TDRD15: variants seen among roughly 807,000 people sequenced by gnomAD.
TDRD15 encodes tudor domain-containing protein 15.
For missense variants in TDRD15, 1,416 were observed against 904.7 expected, an observed-to-expected ratio of 1.57 and a Z score of -7.25; for synonymous variants, 503 against 314.5, an observed-to-expected ratio of 1.60 and a Z score of -6.34.
chr2:21,124,476 G>GGTGT (rs143329553), intron 1 of TDRD15, among the ~76,000 whole-genome samples: 47 of 134,620 alleles, frequency 3.5e-4, no homozygotes, highest in African/African-American at 1.1e-3. Context: ...CTAATGCCAG[G>GGTGT]GTGTGTGTGT....
chr2:21,139,166 G>T lies in TDRD15; in HGVS notation c.1699G>T (p.Asp567Tyr). The change falls in exon 4 of 4, where the codon GAT becomes TAT. Residue 567 changes from aspartate (D) to tyrosine (Y), a missense_variant. Asp to Tyr is a radical substitution (Grantham distance 160). Transcript: ENST00000405799. ...NGYKINVYFLDYGNTDSIPFF... is the reference protein window; with the variant it reads ...NGYKINVYFLYYGNTDSIPFF... Reference sequence around the variant, plus strand: ...TTATAAGATTAATGTTTATTTTTTGGATTATGGTAATACTGATTCCATACC... The same window carrying T: ...TTATAAGATTAATGTTTATTTTTTGTATTATGGTAATACTGATTCCATACC... 1.4e-6 allele frequency: 1 copy of T among 709,922 alleles called. No individual in the cohort carries two copies. The highest frequency in any genetic ancestry group is 2.6e-6 in the Non-Finnish European group (1 of 382,752). The allele number at this position is 709,922 out of a possible 1,614,324, so 44.0% of individuals were successfully genotyped here.
intron 2 of TDRD15, among the ~76,000 whole-genome samples, chr2:21,128,597 C>A (rs1665647025): frequency 6.6e-6 from 1 of 152,146 alleles, no homozygotes; most frequent in Non-Finnish European, 1.5e-5. Flanking sequence ...GCTGGGATTA[C>A]AGGCATGAGC....
chr2:21,124,692 GGTGC>G (rs1665545918), intron 1 of TDRD15, among the ~76,000 whole-genome samples: 1 of 124,784 alleles, frequency 8.0e-6, no homozygotes, highest in Non-Finnish European at 1.7e-5. Context: ...CTAATGCCAG[GGTGC>G]GTGTGTGTGT....
chr2:21,133,928 A>G (rs1281725046), intron 2 of TDRD15, among the ~76,000 whole-genome samples: 1 of 152,028 alleles, frequency 6.6e-6, no homozygotes, highest in Non-Finnish European at 1.5e-5. Flanking sequence ...TTACATGTTG[A>G]AATGATAATA....
Position 21,138,099 on chromosome 2 carries a change from A to C in TDRD15, c.632A>C (p.Lys211Thr). ...PQQMPDLLQH[K>T]RPELSLGNKD... is the part of the protein sequence containing the mutation. The stretch of plus-strand genomic sequence containing the variant: ...CAAATGCCAGATTTATTACAACATA[A>C]AAGGCCTGAATTGTCATTAGGTAAT... Residue 211 changes from lysine to threonine, a missense_variant, in exon 4 of 4, where the codon AAA (lysine) becomes ACA (threonine). Lys to Thr is a moderately conservative substitution (Grantham distance 78). Transcript: ENST00000405799. The C allele has an allele frequency of 1.4e-6, 1 of 716,318 alleles. No individual in the cohort carries two copies. 44.4% of individuals were successfully genotyped at this position (716,318 alleles called of 1,614,324 possible). A position where few individuals can be genotyped will look rare whatever the true frequency, so the allele number is the denominator to read the frequency against.
chr2:21,141,585 T>C lies in TDRD15; in HGVS notation c.4118T>C (p.Phe1373Ser), dbSNP rs1389796096. 2.8e-6 allele frequency: 2 copies of C among 713,828 alleles called. No individual in the cohort carries two copies. The highest frequency in any genetic ancestry group is 5.2e-6 in the Non-Finnish European group (2 of 383,264). 44.2% of individuals were successfully genotyped at this position (713,828 alleles called of 1,614,324 possible). A position where few individuals can be genotyped will look rare whatever the true frequency, so the allele number is the denominator to read the frequency against. ...VIKKILPGNS[F>S]EVEFIDYGNS... ...AAGAAAATTTTGCCAGGAAATTCTT[T>C]TGAAGTAGAATTTATTGACTATGGT... Residue 1373 changes from phenylalanine (F) to serine (S), a missense_variant, in exon 4 of 4, where the codon TTT becomes TCT. By Grantham distance (155) the Phe-to-Ser change is radical. Coordinates refer to ENST00000405799, the MANE Select transcript of TDRD15 (RefSeq NM_001306137.2).
At chr2:21,146,777 A>T (rs1666037649), downstream of TDRD15, among the ~76,000 whole-genome samples, 1 of 152,226 alleles carries the variant, frequency 6.6e-6, no homozygotes, top group South Asian at 2.1e-4. Context: ...AGACATCCAG[A>T]GGAGAATGGC....
At chr2:21,133,376 G>T (rs1221227310) in intron 2 of TDRD15, among the ~76,000 whole-genome samples, 3 of 151,972 alleles carry the variant, frequency 2.0e-5, no homozygotes, top group Non-Finnish European at 2.9e-5. Context: ...GTTTTTGTGG[G>T]TTTTTTTCTT....
At position 21,142,267 on chromosome 2, in the gene TDRD15, T is replaced by A. The variant is rs1393089874; in HGVS notation, c.4800T>A (p.Tyr1600Ter). The A allele has an allele frequency of 1.7e-5, 12 of 695,232 alleles. No individual in the cohort carries two copies. In the Admixed American group the frequency reaches 2.8e-4, roughly 16 times the overall value. The allele number at this position is 695,232 out of a possible 1,614,324, so 43.1% of individuals were successfully genotyped here. ...KWHRSKVEEK[Y>*]VDDKVLVFLV... ...ATCGATCAAAAGTAGAAGAAAAGTATGTTGATGATAAAGTACTTGTTTTTT... is the reference window on the plus strand; with the variant it reads ...ATCGATCAAAAGTAGAAGAAAAGTAAGTTGATGATAAAGTACTTGTTTTTT... The change falls in exon 4 of 4, where the codon TAT (tyrosine) becomes TAA (stop). Residue 1600 changes from tyrosine to a stop codon, truncating the protein, a stop_gained. Coordinates refer to ENST00000405799, the MANE Select transcript of TDRD15 (RefSeq NM_001306137.2). LOFTEE classifies it low-confidence loss of function (END_TRUNC).
chr2:21,133,948 T>C (rs1039887610), intron 2 of TDRD15, among the ~76,000 whole-genome samples: 1 of 152,042 alleles, frequency 6.6e-6, no homozygotes, highest in Non-Finnish European at 1.5e-5. Context: ...AGTTTGGATG[T>C]ATTGAGTTAA....
chr2:21,141,032 A>G lies in TDRD15; in HGVS notation c.3565A>G (p.Thr1189Ala). The G allele has an allele frequency of 2.8e-6, 2 of 708,264 alleles. No homozygotes were observed. The allele number at this position is 708,264 out of a possible 1,614,324, so 43.9% of individuals were successfully genotyped here. The change falls in exon 4 of 4, where the codon ACA becomes GCA. Residue 1189 changes from threonine to alanine, a missense_variant. Coordinates refer to ENST00000405799, the MANE Select transcript of TDRD15 (RefSeq NM_001306137.2). Reference protein sequence around the residue: ...HNVINKPSPVTYSERKIDQLM... With the variant: ...HNVINKPSPVAYSERKIDQLM... Reference sequence around the variant, plus strand: ...TGTGATAAATAAACCTAGTCCAGTAACATATTCCGAAAGAAAAATAGACCA... The same window carrying G: ...TGTGATAAATAAACCTAGTCCAGTAGCATATTCCGAAAGAAAAATAGACCA...
At chr2:21,132,349 A>G (rs1665735885) in intron 2 of TDRD15, among the ~76,000 whole-genome samples, 1 of 151,896 alleles carries the variant, frequency 6.6e-6, no homozygotes, top group Admixed American at 6.6e-5. Context: ...TGTATCTTAT[A>G]TTTTAAAAAG....
At chr2:21,125,771 A>C (rs1665578088) in intron 1 of TDRD15, among the ~76,000 whole-genome samples, 1 of 152,134 alleles carries the variant, frequency 6.6e-6, no homozygotes, top group Admixed American at 6.5e-5. Context: ...TGTTTGATAC[A>C]TACCCGTCAC....
chr2:21,142,908 T>G lies in TDRD15; in HGVS notation c.5441T>G (p.Leu1814Trp). The change falls in exon 4 of 4, where the codon TTG becomes TGG. Residue 1814 changes from leucine (L) to tryptophan (W), a missense_variant. Transcript: ENST00000405799. ...TCACCTCAGTCTTTATGTCTTGTGT[T>G]GGTTGACTATGGATTTTCTTTTTAT... ...EVSPQSLCLV[L>W]VDYGFSFYIR... 2.9e-6 allele frequency: 2 copies of G among 698,130 alleles called. No homozygotes were observed. Among genetic ancestry groups the G allele is most frequent in the Middle Eastern group, 2.4e-4 (1 of 4,230 alleles). 43.2% of individuals were successfully genotyped at this position (698,130 alleles called of 1,614,324 possible).
In TDRD15 at chr2:21,140,838, T is replaced by C; in HGVS notation, c.3371T>C (p.Leu1124Ser). The C allele has an allele frequency of 1.4e-6, 1 of 714,166 alleles. No homozygotes were observed. The highest frequency in any genetic ancestry group is 2.3e-4 in the Middle Eastern group (1 of 4,344). The allele number at this position is 714,166 out of a possible 1,614,324, so 44.2% of individuals were successfully genotyped here. A position where few individuals can be genotyped will look rare whatever the true frequency, so the allele number is the denominator to read the frequency against. Residue 1124 changes from leucine (L) to serine (S), a missense_variant, in exon 4 of 4, where the codon TTG (leucine) becomes TCG (serine). Coordinates refer to ENST00000405799, the MANE Select transcript of TDRD15 (RefSeq NM_001306137.2). ...TCAGATGGACAGCTTGGTATAGAATTGTATGATGGATCTCAATATATAAAT... is the reference window on the plus strand; with the variant it reads ...TCAGATGGACAGCTTGGTATAGAATCGTATGATGGATCTCAATATATAAAT... Reference protein sequence around the residue: ...QESDGQLGIELYDGSQYINEK... With the variant: ...QESDGQLGIESYDGSQYINEK...
rs1665862814 is a variant in TDRD15, at chr2:21,138,758, T to A, written c.1291T>A (p.Ser431Thr). ...TTGTCCGATGTCTGATTCAAAAATC[T>A]CCAATATCTTGAGTGAGACAAGTGT... ...VLCPMSDSKISNILSETSVSD... is the reference protein window; with the variant it reads ...VLCPMSDSKITNILSETSVSD... The change falls in exon 4 of 4, where the codon TCC becomes ACC. Residue 431 changes from serine (S) to threonine (T), a missense_variant. Ser to Thr is a moderately conservative substitution (Grantham distance 58). Coordinates refer to ENST00000405799, the MANE Select transcript of TDRD15 (RefSeq NM_001306137.2). 2.8e-6 allele frequency: 2 copies of A among 715,708 alleles called. No individual in the cohort carries two copies. Among genetic ancestry groups the A allele is most frequent in the Middle Eastern group, 2.3e-4 (1 of 4,346 alleles). The allele number at this position is 715,708 out of a possible 1,614,324, so 44.3% of individuals were successfully genotyped here. A position where few individuals can be genotyped will look rare whatever the true frequency, so the allele number is the denominator to read the frequency against.
chr2:21,134,262 T>G (rs1460435910), intron 2 of TDRD15, among the ~76,000 whole-genome samples: 1 of 151,890 alleles, frequency 6.6e-6, no homozygotes, highest in Non-Finnish European at 1.5e-5. Flanking sequence ...TAGATTTAAT[T>G]CAGGTGTTTG....
chr2:21,144,691 G>A (rs994223266), downstream of TDRD15, among the ~76,000 whole-genome samples: 4 of 151,758 alleles, frequency 2.6e-5, no homozygotes, highest in Admixed American at 6.6e-5. Flanking sequence ...TTGATATAAA[G>A]GTTTAGGAAC....
rs746201038 is a variant in TDRD15 at position 21,137,474 on chromosome 2, T to C, written c.7T>C (p.Ser3Pro). The change falls in exon 4 of 4, where the codon TCT becomes CCT. Residue 3 changes from serine to proline, a missense_variant. Physicochemically the swap from Ser to Pro is moderately conservative, Grantham distance 74. Transcript: ENST00000405799. ...ATTATTTGCTTTTTAGAAAATGGAT[T>C]CTACATCTTTCTTACCAACATTTTT... MD[S>P]TSFLPTFLDV... 3.2e-4 allele frequency: 203 copies of C among 634,724 alleles called. 1 individual carries two copies. Among genetic ancestry groups the C allele is most frequent in the Non-Finnish European group, 5.3e-4 (185 of 349,218 alleles). The allele number at this position is 634,724 out of a possible 1,614,324, so 39.3% of individuals were successfully genotyped here.
Sources: allele counts gnomAD v4.1 joint callset (sites outside exome capture counted in the v4.1 genomes callset), GRCh38; gene constraint gnomAD v4.1.1; transcripts MANE v1.5; gene names NCBI Gene and HGNC (gene_info 2026-07-23, HGNC 2026-07-21).